Variants in UBE2G1 observed in about 807,000 individuals in gnomAD.
UBE2G1 encodes ubiquitin conjugating enzyme E2 G1, also known as ubiquitin-conjugating enzyme E2 G1.
In UBE2G1, 5 loss-of-function variants were observed where a neutral mutation model predicts 22.7. The observed-to-expected ratio is 0.22, with a 90% confidence interval of 0.12 to 0.46. The LOEUF (loss-of-function observed/expected upper bound fraction) is 0.46, where lower values mean the gene tolerates loss of function less well. UBE2G1 is among the 20% of genes least tolerant of loss of function. The pLI, the probability that UBE2G1 is intolerant of heterozygous loss-of-function variation, is 0.99. For missense variants in UBE2G1, 88 were observed against 203.9 expected (o/e 0.43, Z 3.46); for synonymous variants, 74 against 67.5 (o/e 1.10, Z -0.47).
intron 1 of UBE2G1, among the ~76,000 whole-genome samples, chr17:4,325,071 C>T (rs558898906): frequency 3.3e-5 from 5 of 150,968 alleles, no homozygotes; most frequent in East Asian, 2.0e-4. Context: ...AGCGAGACTC[C>T]GTCTCAAAAA....
At chr17:4,323,595 C>T in intron 1 of UBE2G1, among the ~76,000 whole-genome samples, 1 of 152,208 alleles carries the variant, frequency 6.6e-6, no homozygotes, top group South Asian at 2.1e-4. Flanking sequence ...CTTTGTCGCC[C>T]AGGCTGGAGT....
chr17:4,284,730 G>A (rs903852727), intron 4 of UBE2G1, among the ~76,000 whole-genome samples: 2 of 151,094 alleles, frequency 1.3e-5, no homozygotes, highest in Non-Finnish European at 2.9e-5. Context: ...CAGTTTAGTA[G>A]CTTTGTCATC....
intron 2 of UBE2G1, among the ~76,000 whole-genome samples, chr17:4,299,827 GTTTTT>G (rs34357475): frequency 8.6e-6 from 1 of 116,550 alleles, no homozygotes. Flanking sequence ...CCTTTTTTTA[GTTTTT>G]TTTTTTTTTT....
chr17:4,301,821 T>G lies in UBE2G1; in HGVS notation c.150-5007A>C, dbSNP rs1969183713. 3 of 538,868 alleles carry G rather than the reference T, an allele frequency of 5.6e-6. No individual in the cohort carries two copies. In the African/African-American group the frequency reaches 5.7e-5, roughly 10 times the overall value. The allele number at this position is 538,868 out of a possible 1,614,324, so 33.4% of individuals were successfully genotyped here. A position where few individuals can be genotyped will look rare whatever the true frequency, so the allele number is the denominator to read the frequency against. On this transcript the variant is annotated intron_variant, in intron 2 of 5. Coordinates refer to ENST00000396981, the MANE Select transcript of UBE2G1 (RefSeq NM_003342.5). ...AACCTGGTGTCTGGACTCCAACAAT[T>G]TAGCATGGCTAGAATTGGAAGTACG...
intron 1 of UBE2G1, among the ~76,000 whole-genome samples, chr17:4,312,980 C>T (rs1399623712): frequency 1.3e-5 from 2 of 152,030 alleles, no homozygotes; most frequent in Non-Finnish European, 2.9e-5. Flanking sequence ...AAAAGTTTGA[C>T]GGTAGATGGA....
chr17:4,293,369 T>C (rs1056925356), intron 3 of UBE2G1, among the ~76,000 whole-genome samples: 11 of 152,266 alleles, frequency 7.2e-5, no homozygotes, highest in Admixed American at 5.2e-4. Flanking sequence ...TTTCTTTTTA[T>C]TGCCAAATAA....
At chr17:4,299,880 G>A (rs1969154714) in intron 2 of UBE2G1, among the ~76,000 whole-genome samples, 1 of 146,980 alleles carries the variant, frequency 6.8e-6, no homozygotes, top group Non-Finnish European at 1.5e-5. Flanking sequence ...AGGCTGGAGT[G>A]CAGTGGCGTG....
intron 1 of UBE2G1, among the ~76,000 whole-genome samples, chr17:4,333,930 G>T (rs923594059): frequency 6.6e-6 from 1 of 152,180 alleles, no homozygotes; most frequent in African/African-American, 2.4e-5. Flanking sequence ...CTTCAACCCT[G>T]AATGAAGACC....
intron 2 of UBE2G1, among the ~76,000 whole-genome samples, chr17:4,304,552 G>A (rs1969226343): frequency 9.0e-6 from 1 of 110,588 alleles, no homozygotes; most frequent in African/African-American, 2.5e-5. Flanking sequence ...GAGTCTCAAA[G>A]TAATCCTTGA....
intron 5 of UBE2G1, among the ~76,000 whole-genome samples, chr17:4,276,364 G>C (rs1006623905): frequency 1.3e-5 from 2 of 151,798 alleles, no homozygotes; most frequent in Non-Finnish European, 2.9e-5. Context: ...ATTTTTAGTA[G>C]GAAGCGGTTT....
chr17:4,316,457 CAAACCAAGTCACCA>C (rs1969374936), intron 1 of UBE2G1, among the ~76,000 whole-genome samples: 2 of 152,238 alleles, frequency 1.3e-5, no homozygotes, highest in African/African-American at 2.4e-5. Context: ...AAAAATGCCA[CAAACCAAGTCACCA>C]AAAGTAACTG....
chr17:4,278,624 G>C (rs1968848699), intron 5 of UBE2G1, among the ~76,000 whole-genome samples: 1 of 151,992 alleles, frequency 6.6e-6, no homozygotes, highest in East Asian at 1.9e-4. Context: ...TAGTGATTTT[G>C]GTGTGATGTA....
intron 1 of UBE2G1, among the ~76,000 whole-genome samples, chr17:4,338,756 T>C (rs1166416173): frequency 1.3e-5 from 2 of 152,234 alleles, no homozygotes; most frequent in African/African-American, 2.4e-5. Flanking sequence ...AGAGTCAAAA[T>C]ATTTAACAGC....
intron 1 of UBE2G1, among the ~76,000 whole-genome samples, chr17:4,349,767 C>T (rs528188568): frequency 6.6e-6 from 1 of 151,028 alleles, no homozygotes; most frequent in Non-Finnish European, 1.5e-5. Flanking sequence ...GGCATGAACC[C>T]GGGAGGCGGA....
At chr17:4,303,418 T>C (rs1245740977) in intron 2 of UBE2G1, among the ~76,000 whole-genome samples, 2 of 152,138 alleles carry the variant, frequency 1.3e-5, no homozygotes, top group Admixed American at 6.5e-5. Flanking sequence ...TTATAAGCAA[T>C]AGAACATGGA....
chr17:4,275,723 T>A (rs561671733), intron 5 of UBE2G1, among the ~76,000 whole-genome samples: 2 of 152,288 alleles, frequency 1.3e-5, no homozygotes, highest in African/African-American at 4.8e-5. Flanking sequence ...TCTTAAGTGT[T>A]TCAATGATCT....
chr17:4,288,214 G>A (rs887269538), intron 4 of UBE2G1, among the ~76,000 whole-genome samples: 1 of 152,090 alleles, frequency 6.6e-6, no homozygotes, highest in Admixed American at 6.6e-5. Flanking sequence ...TTGAAAACTT[G>A]GGGATAATAA....
intron 1 of UBE2G1, among the ~76,000 whole-genome samples, chr17:4,339,309 AT>A (rs1219657452): frequency 9.4e-4 from 133 of 142,008 alleles, no homozygotes; most frequent in East Asian, 8.1e-4. Context: ...GCGCTTCTCT[AT>A]TTTTTTTTTT....
At chr17:4,334,580 C>T (rs943294853) in intron 1 of UBE2G1, among the ~76,000 whole-genome samples, 3 of 152,052 alleles carry the variant, frequency 2.0e-5, no homozygotes, top group East Asian at 3.9e-4. Context: ...TCTCTGTCGC[C>T]CAAGCTGGAG....
Sources: allele counts gnomAD v4.1 joint callset (sites outside exome capture counted in the v4.1 genomes callset), GRCh38; gene constraint gnomAD v4.1.1; transcripts MANE v1.5; gene names NCBI Gene and HGNC (gene_info 2026-07-23, HGNC 2026-07-21).